Variants in CSMD1 observed in about 807,000 individuals in gnomAD.
The protein encoded by CSMD1 is CUB and sushi domain-containing protein 1.
In CSMD1, 213 loss-of-function variants were observed where a neutral mutation model predicts 417.5. That is an observed-to-expected ratio of 0.51 (90% CI 0.46 to 0.57). The LOEUF is 0.57. Among genes scored for constraint, CSMD1 ranks in the 20% least tolerant of loss-of-function variants. CSMD1 has a pLI of 0.00. For missense variants in CSMD1, 6,923 were observed against 4,529.7 expected (o/e 1.53, Z -15.17); for synonymous variants, 2,862 against 1,736.8 (o/e 1.65, Z -16.11).
At chr8:4,774,821 T>C (rs1796766226) in intron 1 of CSMD1, among the ~76,000 whole-genome samples, 1 of 151,392 alleles carries the variant, frequency 6.6e-6, no homozygotes, top group Admixed American at 6.6e-5. Flanking sequence ...TCTTTCTCTC[T>C]TCCTCCTACT....
intron 50 of CSMD1, among the ~76,000 whole-genome samples, chr8:3,030,296 C>A (rs77793132): frequency 0.041 from 6,285 of 151,924 alleles, 456 homozygotes; most frequent in African/African-American, 0.15. Context: ...ATTTAAAATA[C>A]ATTACACAAA....
intron 3 of CSMD1, among the ~76,000 whole-genome samples, chr8:4,335,478 C>T (rs1800113087): frequency 6.6e-6 from 1 of 152,044 alleles, no homozygotes; most frequent in Non-Finnish European, 1.5e-5. Flanking sequence ...ATATGGACTC[C>T]AGAATACAAA....
chr8:3,682,362 G>T (rs76415617), intron 7 of CSMD1, among the ~76,000 whole-genome samples: 4 of 151,864 alleles, frequency 2.6e-5, no homozygotes, highest in South Asian at 2.1e-4. Context: ...ACAAGCAACC[G>T]CATCAACAAG....
At chr8:3,687,752 T>C (rs1231392983) in intron 7 of CSMD1, among the ~76,000 whole-genome samples, 3 of 152,128 alleles carry the variant, frequency 2.0e-5, no homozygotes, top group African/African-American at 7.2e-5. Flanking sequence ...AGCAGGGCCT[T>C]GAGTAACGGC....
chr8:4,271,109 A>AT (rs1804564340), intron 3 of CSMD1, among the ~76,000 whole-genome samples: 1 of 152,154 alleles, frequency 6.6e-6, no homozygotes, highest in African/African-American at 2.4e-5. Flanking sequence ...TCCTTTTATT[A>AT]TTTCCTCATT....
intron 3 of CSMD1, among the ~76,000 whole-genome samples, chr8:4,139,252 T>G (rs990875431): frequency 2.0e-5 from 3 of 152,202 alleles, no homozygotes; most frequent in Non-Finnish European, 4.4e-5. Context: ...TTAGCTTCAT[T>G]ATGCATCAGT....
At chr8:3,781,199 T>C (rs1444779657) in intron 5 of CSMD1, among the ~76,000 whole-genome samples, 1 of 152,172 alleles carries the variant, frequency 6.6e-6, no homozygotes, top group South Asian at 2.1e-4. Flanking sequence ...TACAAAGTGA[T>C]AATTGGAGCA....
At chr8:3,713,302 A>C (rs1217702277) in intron 6 of CSMD1, among the ~76,000 whole-genome samples, 2 of 152,212 alleles carry the variant, frequency 1.3e-5, no homozygotes, top group Non-Finnish European at 2.9e-5. Flanking sequence ...AGGTTGTTTG[A>C]AAATGTGACG....
intron 3 of CSMD1, among the ~76,000 whole-genome samples, chr8:4,093,512 G>C (rs901858106): frequency 6.6e-6 from 1 of 152,080 alleles, no homozygotes; most frequent in Admixed American, 6.5e-5. Flanking sequence ...ATGATTCAAA[G>C]GAATATAGTG....
intron 1 of CSMD1, among the ~76,000 whole-genome samples, chr8:4,703,112 T>C (rs938623155): frequency 3.9e-5 from 6 of 152,214 alleles, no homozygotes; most frequent in African/African-American, 1.4e-4. Flanking sequence ...TGGCATATTA[T>C]ATAATATTTA....
chr8:4,392,456 T>A (rs1369068285), intron 3 of CSMD1, among the ~76,000 whole-genome samples: 1 of 152,016 alleles, frequency 6.6e-6, no homozygotes, highest in African/African-American at 2.4e-5. Flanking sequence ...TTAAAAGAAT[T>A]ATCAGTCCAT....
At chr8:4,400,948 GATA>G (rs1180184757) in intron 3 of CSMD1, among the ~76,000 whole-genome samples, 6 of 86,800 alleles carry the variant, frequency 6.9e-5, no homozygotes, top group African/African-American at 2.0e-4. Context: ...CTTTATTTTA[GATA>G]ATATTATGTC....
chr8:4,636,207 G>C (rs1802803367), intron 2 of CSMD1, among the ~76,000 whole-genome samples: 1 of 151,910 alleles, frequency 6.6e-6, no homozygotes, highest in Non-Finnish European at 1.5e-5. Flanking sequence ...AATTTTGTTA[G>C]GAAAATCTGA....
chr8:3,565,596 A>G (rs1184293677), intron 10 of CSMD1, among the ~76,000 whole-genome samples: 5 of 152,220 alleles, frequency 3.3e-5, no homozygotes, highest in African/African-American at 1.2e-4. Flanking sequence ...ATCTCTCTGA[A>G]TTTGTTAATT....
intron 2 of CSMD1, among the ~76,000 whole-genome samples, chr8:4,616,392 C>A (rs1336854287): frequency 6.6e-6 from 1 of 152,152 alleles, no homozygotes; most frequent in Non-Finnish European, 1.5e-5. Flanking sequence ...ACAGGCAAAT[C>A]GTGGCCTCCA....
At chr8:3,225,723 G>A (rs1022957813) in intron 27 of CSMD1, among the ~76,000 whole-genome samples, 1 of 152,170 alleles carries the variant, frequency 6.6e-6, no homozygotes, top group African/African-American at 2.4e-5. Flanking sequence ...GATCCCAGGA[G>A]GCACTTTCAA....
intron 3 of CSMD1, among the ~76,000 whole-genome samples, chr8:4,066,366 G>A (rs933461969): frequency 6.6e-6 from 1 of 152,128 alleles, no homozygotes. Flanking sequence ...GTATTTCTAA[G>A]TCCCACTCAG....
intron 23 of CSMD1, among the ~76,000 whole-genome samples, chr8:3,312,785 A>C (rs1805449171): frequency 7.0e-6 from 1 of 141,962 alleles, no homozygotes; most frequent in Non-Finnish European, 1.5e-5. Context: ...GCATGTCAGC[A>C]TCTCTCAGGT....
intron 42 of CSMD1, among the ~76,000 whole-genome samples, chr8:3,115,802 T>G (rs1054681975): frequency 1.3e-5 from 2 of 152,240 alleles, no homozygotes; most frequent in Admixed American, 6.5e-5. Flanking sequence ...ATTAATTATC[T>G]AAACTGGCCA....
Sources: gnomAD v4.1 joint callset for allele counts (sites outside exome capture counted in the v4.1 genomes callset) on GRCh38, gnomAD v4.1.1 for gene constraint, MANE v1.5 for transcripts, NCBI Gene and HGNC (gene_info 2026-07-23, HGNC 2026-07-21) for gene names.